The following SYT1 variants were observed in gnomAD, a reference collection of about 807,000 sequenced individuals.
SYT1 encodes synaptotagmin-1.
SYT1 carries 8 observed loss-of-function variants against 44.8 expected under a neutral mutation model. The ratio of observed to expected loss-of-function variants is 0.18; its 90% CI spans 0.10 to 0.32. SYT1 has a LOEUF of 0.32. Ranked by LOEUF, SYT1 falls within the 10% of genes least tolerant of loss-of-function variation. The pLI, the probability that SYT1 is intolerant of heterozygous loss-of-function variation, is 1.00. For synonymous variants in SYT1, 154 were observed against 188.8 expected, an observed-to-expected ratio of 0.82 and a Z score of 1.51; for missense variants, 286 against 509.3, an observed-to-expected ratio of 0.56 and a Z score of 4.22.
At chr12:79,039,246 G>A (rs1172628190) in intron 2 of SYT1, among the ~76,000 whole-genome samples, 3 of 151,984 alleles carry the variant, frequency 2.0e-5, no homozygotes, top group Non-Finnish European at 1.5e-5. Context: ...AAAGTCATCA[G>A]CTTTACCAAC....
chr12:78,906,265 G>A (rs1001744339), intron 1 of SYT1, among the ~76,000 whole-genome samples: 5 of 151,988 alleles, frequency 3.3e-5, no homozygotes, highest in African/African-American at 7.2e-5. Context: ...GTAGGCTTTT[G>A]TGTATGTATT....
chr12:78,983,129 C>T (rs1869392746), intron 2 of SYT1, among the ~76,000 whole-genome samples: 1 of 151,650 alleles, frequency 6.6e-6, no homozygotes, highest in Non-Finnish European at 1.5e-5. Flanking sequence ...TCATTTTAGC[C>T]TACTTGATTC....
chr12:78,913,083 C>A (rs1377695646), intron 1 of SYT1, among the ~76,000 whole-genome samples: 1 of 151,742 alleles, frequency 6.6e-6, no homozygotes. Flanking sequence ...AAAATGTACA[C>A]AATAATCTTG....
chr12:79,428,931 G>A (rs938337054), intron 9 of SYT1, among the ~76,000 whole-genome samples: 1 of 152,140 alleles, frequency 6.6e-6, no homozygotes, highest in African/African-American at 2.4e-5. Flanking sequence ...TAGAAGAAAG[G>A]GAGCAGGAAT....
At chr12:79,010,343 T>G (rs1460847891) in intron 2 of SYT1, among the ~76,000 whole-genome samples, 2 of 152,140 alleles carry the variant, frequency 1.3e-5, no homozygotes, top group Non-Finnish European at 2.9e-5. Context: ...TCACATGCCC[T>G]TTTCTCACTT....
At chr12:78,880,560 T>C (rs1003510569) in intron 1 of SYT1, among the ~76,000 whole-genome samples, 1 of 151,670 alleles carries the variant, frequency 6.6e-6, no homozygotes, top group Non-Finnish European at 1.5e-5. Flanking sequence ...ACAACACATA[T>C]TTGTTGTTCC....
At chr12:79,238,371 A>C (rs1876311739) in intron 4 of SYT1, among the ~76,000 whole-genome samples, 1 of 152,200 alleles carries the variant, frequency 6.6e-6, no homozygotes, top group Non-Finnish European at 1.5e-5. Flanking sequence ...CAAATGCTTC[A>C]GATATATCAC....
chr12:79,328,379 CAG>C (rs1331698738), intron 8 of SYT1, among the ~76,000 whole-genome samples: 1 of 152,134 alleles, frequency 6.6e-6, no homozygotes, highest in Non-Finnish European at 1.5e-5. Context: ...TTCATTAAAA[CAG>C]AGTTCATTTC....
chr12:79,162,954 C>A (rs1487195965), intron 3 of SYT1, among the ~76,000 whole-genome samples: 2 of 152,080 alleles, frequency 1.3e-5, no homozygotes, highest in Non-Finnish European at 2.9e-5. Context: ...TGCACAGATA[C>A]AATGAATGTT....
chr12:79,122,189 A>T (rs1868277249), intron 3 of SYT1, among the ~76,000 whole-genome samples: 1 of 152,224 alleles, frequency 6.6e-6, no homozygotes, highest in Non-Finnish European at 1.5e-5. Flanking sequence ...GTAGAAAAAT[A>T]TGAAATTCCT....
At chr12:79,253,799 C>A (rs1353445891) in intron 4 of SYT1, among the ~76,000 whole-genome samples, 6 of 152,082 alleles carry the variant, frequency 3.9e-5, no homozygotes, top group Admixed American at 2.0e-4. Flanking sequence ...ACACAAATCA[C>A]AAGAAAGTGA....
intron 9 of SYT1, among the ~76,000 whole-genome samples, chr12:79,430,538 G>A (rs1357722087): frequency 6.6e-6 from 1 of 152,040 alleles, no homozygotes; most frequent in African/African-American, 2.4e-5. Flanking sequence ...GTAATCCCAG[G>A]ACTTTGGGAG....
intron 3 of SYT1, among the ~76,000 whole-genome samples, chr12:79,078,309 T>C (rs2137936706): frequency 6.6e-6 from 1 of 152,230 alleles, no homozygotes; most frequent in South Asian, 2.1e-4. Flanking sequence ...CCAAATTTTC[T>C]CATCTCTAAA....
In SYT1 at chr12:78,868,194, CT is replaced by C. The variant is rs1464184225; in HGVS notation, c.-217+3086del. Among the ~76,000 whole-genome samples, 6 of 151,706 alleles carry C rather than the reference CT, an allele frequency of 4.0e-5. No homozygotes were observed. The East Asian group carries it at 1.2e-3, about 29-fold the overall frequency. ...AAATTGAAACATAATATTTATTTTCCTAATGGTAATAATTAAGTAATTTGGG... is the reference window on the plus strand; with the variant it reads ...AAATTGAAACATAATATTTATTTTCCAATGGTAATAATTAAGTAATTTGGG... On this transcript the variant is annotated intron_variant, in intron 1 of 10. Coordinates refer to ENST00000261205, the MANE Select transcript of SYT1 (RefSeq NM_005639.3).
At chr12:79,062,863 C>T (rs1875493499) in intron 3 of SYT1, among the ~76,000 whole-genome samples, 1 of 152,162 alleles carries the variant, frequency 6.6e-6, no homozygotes, top group African/African-American at 2.4e-5. Context: ...TGCTTAGCAA[C>T]TTTCATGCTA....
At chr12:78,905,676 A>C (rs1193972382) in intron 1 of SYT1, among the ~76,000 whole-genome samples, 1 of 151,960 alleles carries the variant, frequency 6.6e-6, no homozygotes, top group African/African-American at 2.4e-5. Context: ...ATTTTATTTC[A>C]GTTTCAATAA....
At chr12:79,410,155 A>G (rs1868358153) in intron 9 of SYT1, among the ~76,000 whole-genome samples, 1 of 152,202 alleles carries the variant, frequency 6.6e-6, no homozygotes, top group Non-Finnish European at 1.5e-5. Context: ...AATTAGCCAC[A>G]TGAAGAAAAC....
chr12:79,341,484 C>A (rs1382349962), intron 8 of SYT1: 1 of 151,942 alleles, frequency 6.6e-6, no homozygotes, highest in East Asian at 1.9e-4. Context: ...TGGTGCACAT[C>A]ACTTCTGTTC....
At chr12:79,293,095 G>A (rs1402802002) in intron 6 of SYT1, among the ~76,000 whole-genome samples, 2 of 150,544 alleles carry the variant, frequency 1.3e-5, no homozygotes, top group African/African-American at 2.4e-5. Context: ...GGCATATCAC[G>A]AGGTCAGGAG....
Sources: gnomAD v4.1 joint callset for allele counts (sites outside exome capture counted in the v4.1 genomes callset) on GRCh38, gnomAD v4.1.1 for gene constraint, MANE v1.5 for transcripts, NCBI Gene and HGNC (gene_info 2026-07-23, HGNC 2026-07-21) for gene names.